Variants in STK32B observed in about 807,000 individuals in gnomAD.
STK32B encodes the protein serine/threonine kinase 32B.
Under a neutral mutation model 52.6 loss-of-function variants are expected in STK32B, and 43 were observed. The ratio of observed to expected loss-of-function variants is 0.82; its 90% CI spans 0.64 to 1.05. The LOEUF (loss-of-function observed/expected upper bound fraction) is 1.05, where lower values mean the gene tolerates loss of function less well. STK32B is among the 50% of genes least tolerant of loss of function. STK32B has a pLI of 0.00. For synonymous variants in STK32B, 238 were observed against 204.3 expected, an observed-to-expected ratio of 1.17 and a Z score of -1.41; for missense variants, 621 against 534.6, an observed-to-expected ratio of 1.16 and a Z score of -1.59.
At chr4:5,160,458 T>C (rs1718352122) in intron 2 of STK32B, among the ~76,000 whole-genome samples, 1 of 151,962 alleles carries the variant, frequency 6.6e-6, no homozygotes, top group Non-Finnish European at 1.5e-5. Flanking sequence ...GGTAACCCCC[T>C]TCCTTCTCCC....
At chr4:5,327,875 A>G (rs534263855) in intron 3 of STK32B, among the ~76,000 whole-genome samples, 1 of 152,218 alleles carries the variant, frequency 6.6e-6, no homozygotes, top group Admixed American at 6.5e-5. Flanking sequence ...ATATAAAGCT[A>G]TTTGCTATTT....
chr4:5,494,018 A>G (rs531525625), intron 11 of STK32B, among the ~76,000 whole-genome samples: 1 of 152,348 alleles, frequency 6.6e-6, no homozygotes, highest in Non-Finnish European at 1.5e-5. Context: ...CAATTTTGGA[A>G]TAGGTGTGGT....
intron 3 of STK32B, among the ~76,000 whole-genome samples, chr4:5,253,495 C>T (rs1726081960): frequency 1.3e-5 from 2 of 152,116 alleles, no homozygotes; most frequent in South Asian, 4.1e-4. Flanking sequence ...CTGCCTCAGC[C>T]TCCGAAATGG....
chr4:5,139,768 C>T (rs573919879), intron 1 of STK32B, 137 bp from the exon 2 acceptor site: 21 of 864,926 alleles, frequency 2.4e-5, no homozygotes, highest in South Asian at 8.0e-5. Flanking sequence ...TAAGGGTGGA[C>T]GGCTGCTCTG....
chr4:5,332,967 T>C (rs1732376569), intron 4 of STK32B, among the ~76,000 whole-genome samples: 1 of 152,234 alleles, frequency 6.6e-6, no homozygotes, highest in Non-Finnish European at 1.5e-5. Context: ...AGTGTGCATG[T>C]GTCTTTATAA....
chr4:5,375,526 A>G (rs1434589072), intron 4 of STK32B, among the ~76,000 whole-genome samples: 5 of 152,046 alleles, frequency 3.3e-5, no homozygotes, highest in East Asian at 3.9e-4. Flanking sequence ...TTCAGTTCAC[A>G]TATACTTGAT....
Position 5,459,282 on chromosome 4 carries a change from G to GCCCCCCCCCCCCC in STK32B, c.784-809_784-808insCCCCCCCCCCCCC, listed in dbSNP as rs55688341. On this transcript the variant is annotated intron_variant, in intron 8 of 11. Coordinates refer to ENST00000282908, the MANE Select transcript of STK32B (RefSeq NM_018401.3). ...CAGCTCCACCTGTGGACCCTGGTGT[G>GCCCCCCCCCCCCC]CCCCCCCCCCCCACCTTTCTAAGTA... Among the ~76,000 whole-genome samples, 3 of 133,048 alleles carry GCCCCCCCCCCCCC rather than the reference G, an allele frequency of 2.3e-5. 1 individual carries two copies. The highest frequency in any genetic ancestry group is 8.6e-5 in the African/African-American group (3 of 34,986). 87.3% of individuals were successfully genotyped at this position (133,048 alleles called of 152,430 possible).
chr4:5,159,783 T>TA, intron 2 of STK32B, among the ~76,000 whole-genome samples: 1 of 130,666 alleles, frequency 7.7e-6, no homozygotes, highest in East Asian at 2.3e-4. Flanking sequence ...ATATGAATGT[T>TA]TATGAATATA....
rs970434651 is a variant in STK32B at position 5,395,351 on chromosome 4, C to T, written c.435-2856C>T. Among the ~76,000 whole-genome samples, 3 of 152,350 alleles carry T rather than the reference C, an allele frequency of 2.0e-5. No individual in the cohort carries two copies. Among genetic ancestry groups the T allele is most frequent in the South Asian group, 2.1e-4 (1 of 4,824 alleles). ...TCACAGGTGAGATCATTTATTCTCTCATCCTCCTACTTCCTCATCTGCAAA... is the reference window on the plus strand; with the variant it reads ...TCACAGGTGAGATCATTTATTCTCTTATCCTCCTACTTCCTCATCTGCAAA... On this transcript the variant is annotated intron_variant, in intron 4 of 11. Coordinates refer to ENST00000282908, the MANE Select transcript of STK32B (RefSeq NM_018401.3). This position sits in a 1 kb window ranked among gnomAD's most constrained non-coding sequence, Gnocchi z 4.4.
chr4:5,364,092 C>A (rs767506113), intron 4 of STK32B, among the ~76,000 whole-genome samples: 1 of 150,754 alleles, frequency 6.6e-6, no homozygotes, highest in African/African-American at 2.5e-5. Context: ...ATTCACTGAC[C>A]CCCCCCACTG....
chr4:5,108,769 G>A (rs900221998), intron 1 of STK32B, among the ~76,000 whole-genome samples: 5 of 152,148 alleles, frequency 3.3e-5, no homozygotes, highest in African/African-American at 4.8e-5. Flanking sequence ...CCTGAAATCT[G>A]CCGATGCTGT....
intron 4 of STK32B, among the ~76,000 whole-genome samples, chr4:5,334,912 C>T (rs1732538346): frequency 1.3e-5 from 2 of 150,890 alleles, no homozygotes; most frequent in East Asian, 2.0e-4. Context: ...CATCAATGTT[C>T]ATCAAGGATA....
intron 1 of STK32B, among the ~76,000 whole-genome samples, chr4:5,070,865 G>A (rs374579308): frequency 3.3e-5 from 5 of 152,212 alleles, no homozygotes; most frequent in African/African-American, 1.2e-4. Context: ...TGTATCCGGC[G>A]GAACCTCCTG....
intron 3 of STK32B, among the ~76,000 whole-genome samples, chr4:5,312,616 T>C (rs1025191713): frequency 6.6e-5 from 10 of 152,122 alleles, no homozygotes; most frequent in African/African-American, 2.4e-4. Context: ...GGACATGAAC[T>C]CATCATTTTT....
At chr4:5,301,526 G>T (rs996004173) in intron 3 of STK32B, among the ~76,000 whole-genome samples, 1 of 151,288 alleles carries the variant, frequency 6.6e-6, no homozygotes, top group Non-Finnish European at 1.5e-5. Context: ...CTACTAATTT[G>T]TCCGTTTCAT....
chr4:5,062,716 G>C (rs939666355), intron 1 of STK32B, among the ~76,000 whole-genome samples: 1 of 152,004 alleles, frequency 6.6e-6, no homozygotes, highest in Non-Finnish European at 1.5e-5. Flanking sequence ...CACCATGTTA[G>C]CCAGGATGGT....
At chr4:5,162,285 T>G (rs1718507013) in intron 2 of STK32B, among the ~76,000 whole-genome samples, 1 of 152,210 alleles carries the variant, frequency 6.6e-6, no homozygotes, top group Non-Finnish European at 1.5e-5. Flanking sequence ...AGTGAAATCA[T>G]TCTCAACTCT....
At chr4:5,100,536 TTCCTTTCC>T (rs1331937359) in intron 1 of STK32B, among the ~76,000 whole-genome samples, 2 of 136,354 alleles carry the variant, frequency 1.5e-5, no homozygotes, top group African/African-American at 5.4e-5. Context: ...CTTTCCTTCC[TTCCTTTCC>T]TCCTTTCCTC....
At chr4:5,144,403 C>T (rs1562426) in intron 2 of STK32B, among the ~76,000 whole-genome samples, 49,710 of 152,062 alleles carry the variant, frequency 0.33, 9,569 homozygotes, top group Non-Finnish European at 0.44. Context: ...CTTTCCCCTA[C>T]GCAGCAGGGA....
Sources: gnomAD v4.1 joint callset for allele counts (sites outside exome capture counted in the v4.1 genomes callset) on GRCh38, gnomAD v4.1.1 for gene constraint, Gnocchi (gnomAD v3.1) non-coding constraint, MANE v1.5 for transcripts, NCBI Gene and HGNC (gene_info 2026-07-23, HGNC 2026-07-21) for gene names.